Variants in GEMIN5 observed in about 807,000 individuals in gnomAD.
GEMIN5 encodes gem nuclear organelle associated protein 5.
A neutral mutation model predicts 176.9 loss-of-function variants in GEMIN5; 124 were observed. The ratio of observed to expected loss-of-function variants is 0.70; its 90% CI spans 0.61 to 0.81. The LOEUF is 0.81. Ranked by LOEUF, GEMIN5 falls within the 40% of genes least tolerant of loss-of-function variation. The pLI is 0.00. For missense variants in GEMIN5, 1,843 were observed against 1,814.6 expected, an observed-to-expected ratio of 1.02 and a Z score of -0.28; for synonymous variants, 673 against 665.2, an observed-to-expected ratio of 1.01 and a Z score of -0.18.
At chr5:154,924,604 G>A (rs778515465) in intron 8 of GEMIN5, 50 bp from the exon 9 acceptor site, 2 of 1,094,756 alleles carry the variant, frequency 1.8e-6, no homozygotes, top group Non-Finnish European at 2.8e-6. Context: ...GGGGCATATA[G>A]TTAAAGGAAT....
At chr5:154,928,951 C>T (rs1449729410) in intron 5 of GEMIN5, among the ~76,000 whole-genome samples, 1 of 151,214 alleles carries the variant, frequency 6.6e-6, no homozygotes, top group African/African-American at 2.4e-5. Context: ...TGGCCGGGCG[C>T]GGTGGCTCAT....
intron 26 of GEMIN5, among the ~76,000 whole-genome samples, chr5:154,890,090 G>A (rs964362006): frequency 6.6e-6 from 1 of 152,188 alleles, no homozygotes; most frequent in East Asian, 1.9e-4. Flanking sequence ...CCACCAATAG[G>A]CACAAGGGTT....
chr5:154,903,758 G>T (rs1178260838), intron 18 of GEMIN5, among the ~76,000 whole-genome samples: 2 of 152,006 alleles, frequency 1.3e-5, no homozygotes, highest in Non-Finnish European at 2.9e-5. Context: ...CGGGAGGGAG[G>T]ATGGTCCTCC....
chr5:154,888,525 T>C (rs895413462), intron 27 of GEMIN5, 148 bp from the exon 28 acceptor site: 2 of 629,050 alleles, frequency 3.2e-6, no homozygotes, highest in African/African-American at 1.8e-5. Context: ...ATGTCCTGTC[T>C]TTCTCTTCAA....
At chr5:154,913,830 AAC>A (rs1204019463) in intron 13 of GEMIN5, among the ~76,000 whole-genome samples, 1 of 151,892 alleles carries the variant, frequency 6.6e-6, no homozygotes, top group Admixed American at 6.6e-5. Context: ...AAAAAAGGAA[AAC>A]ACAAAAAACA....
chr5:154,921,518 A>T, intron 9 of GEMIN5, 93 bp from the exon 10 acceptor site: 1 of 680,852 alleles, frequency 1.5e-6, no homozygotes, highest in Non-Finnish European at 2.6e-6. Flanking sequence ...TCCCCATTAT[A>T]AACATAACTA....
rs757614383 is a variant in GEMIN5 at position 154,904,600 on chromosome 5, A to C, written c.2539T>G (p.Ser847Ala). 7 of 1,611,860 alleles carry C rather than the reference A, an allele frequency of 4.3e-6. No individual in the cohort carries two copies. Among genetic ancestry groups the C allele is most frequent in the Non-Finnish European group, 5.9e-6 (7 of 1,178,054 alleles). ...ETLIKKRKAR[S>A]LLPLSTSLDH... ...AGGCTTGTACTCAGGGGAAGCAAGGAACGAGCTTTTCTCTTCTTGATTAAG... is the reference window on the plus strand; with the variant it reads ...AGGCTTGTACTCAGGGGAAGCAAGGCACGAGCTTTTCTCTTCTTGATTAAG... Residue 847 changes from serine to alanine, a missense_variant, in exon 18 of 28, where the codon TCC (serine) becomes GCC (alanine). Coordinates refer to ENST00000285873, the MANE Select transcript of GEMIN5 (RefSeq NM_015465.5).
intron 15 of GEMIN5, among the ~76,000 whole-genome samples, chr5:154,908,778 G>A (rs766374561): frequency 1.4e-4 from 21 of 152,086 alleles, no homozygotes; most frequent in Non-Finnish European, 8.8e-5. Flanking sequence ...ATTTTTATTC[G>A]TCCCATTTGG....
Position 154,937,988 on chromosome 5 carries a change from G to T in GEMIN5, c.146C>A (p.Pro49Gln), listed in dbSNP as rs751734850. 5 of 1,574,574 alleles carry T rather than the reference G, an allele frequency of 3.2e-6. No homozygotes were observed. The highest frequency in any genetic ancestry group is 4.3e-6 in the Non-Finnish European group (5 of 1,162,690). ...VRVGPGAGES[P>Q]GTPPFRVIGE... ...GTTACCTCGAAACGGGGGTGTCCCT[G>T]GACTCTCGCCTGCGCCCGGGCCCAC... Residue 49 changes from proline (P) to glutamine (Q), a missense_variant, in exon 1 of 28, where the codon CCA (proline) becomes CAA (glutamine). Transcript: ENST00000285873.
At chr5:154,897,710 C>T (rs1326577097) in intron 23 of GEMIN5, among the ~76,000 whole-genome samples, 1 of 152,096 alleles carries the variant, frequency 6.6e-6, no homozygotes, top group Non-Finnish European at 1.5e-5. Context: ...TGGTCTTGAA[C>T]TCCTAATCTC....
Position 154,925,887 on chromosome 5 carries a change from T to G in GEMIN5, c.1268A>C (p.Gln423Pro), listed in dbSNP as rs1305416622. 1 of 1,613,158 alleles carries G rather than the reference T, an allele frequency of 6.2e-7. No homozygotes were observed. Among genetic ancestry groups the G allele is most frequent in the Non-Finnish European group, 8.5e-7 (1 of 1,179,164 alleles). ...KNNYDVKNFW[Q>P]GVKSKVTALC... ...CGCTGTAACCTTGGACTTCACGCCT[T>G]GCCAAAAATTTTTCACATCATAGTT... The change falls in exon 8 of 28, where the codon CAA becomes CCA. Residue 423 changes from glutamine (Q) to proline (P), a missense_variant. By Grantham distance (76) the Gln-to-Pro change is moderately conservative. Transcript: ENST00000285873.
rs1763528523 is a variant in GEMIN5 at position 154,904,444 on chromosome 5, A to G, written c.2632+63T>C. On this transcript the variant is annotated intron_variant, in intron 18 of 27. Transcript: ENST00000285873. ...TTGGGCATTCATTTAATAAATAAGTAAACATCCCTTATATACCAGTCCCGG... is the reference window on the plus strand; with the variant it reads ...TTGGGCATTCATTTAATAAATAAGTGAACATCCCTTATATACCAGTCCCGG... 2.9e-6 allele frequency: 4 copies of G among 1,381,350 alleles called. No homozygotes were observed. The Admixed American group carries it at 6.1e-5, about 21-fold the overall frequency. The allele number at this position is 1,381,350 out of a possible 1,614,324, so 85.6% of individuals were successfully genotyped here.
At chr5:154,914,798 A>T (rs1396497154) in intron 13 of GEMIN5, among the ~76,000 whole-genome samples, 1 of 152,242 alleles carries the variant, frequency 6.6e-6, no homozygotes, top group Non-Finnish European at 1.5e-5. Flanking sequence ...TAAGGGAAAG[A>T]TTAAACTATT....
chr5:154,914,976 C>G (rs1479868222), intron 13 of GEMIN5, among the ~76,000 whole-genome samples: 1 of 152,094 alleles, frequency 6.6e-6, no homozygotes, highest in Non-Finnish European at 1.5e-5. Context: ...CTCTGTGTCT[C>G]AAATATTTCA....
At chr5:154,890,890 A>G (rs1763210050) in intron 26 of GEMIN5, among the ~76,000 whole-genome samples, 1 of 152,046 alleles carries the variant, frequency 6.6e-6, no homozygotes, top group African/African-American at 2.4e-5. Flanking sequence ...CAGCCCCCCA[A>G]GTAGCTGGAA....
chr5:154,920,169 A>G (rs1763895830), intron 10 of GEMIN5, 66 bp from the exon 11 acceptor site: 4 of 1,297,968 alleles, frequency 3.1e-6, no homozygotes, highest in Non-Finnish European at 4.4e-6. Flanking sequence ...TTGTTGCTAT[A>G]GTATGACCAT....
Position 154,936,016 on chromosome 5 carries a change from T to C in GEMIN5, c.334A>G (p.Ile112Val), listed in dbSNP as rs1764261170. The C allele has an allele frequency of 6.3e-7, 1 of 1,584,026 alleles. No individual in the cohort carries two copies. Among genetic ancestry groups the C allele is most frequent in the Non-Finnish European group, 8.6e-7 (1 of 1,169,016 alleles). The part of the protein sequence containing the change: ...VTEHALHQHT[I>V]STLHWSPRVK... ...CGAGGAGACCAATGTAATGTTGATA[T>C]CGTATGCTTTAAAACAAAACAAAAA... Residue 112 changes from isoleucine (I) to valine (V), a missense_variant, in exon 3 of 28, where the codon ATA becomes GTA. Transcript: ENST00000285873.
At chr5:154,929,053 C>T (rs567861809) in intron 5 of GEMIN5, among the ~76,000 whole-genome samples, 1 of 151,898 alleles carries the variant, frequency 6.6e-6, no homozygotes, top group African/African-American at 2.4e-5. Flanking sequence ...GAAACCCTGT[C>T]TCTACTAAAA....
intron 11 of GEMIN5, among the ~76,000 whole-genome samples, 176 bp downstream of exon 11, chr5:154,919,791 A>G (rs2113494483): frequency 6.6e-6 from 1 of 152,298 alleles, no homozygotes; most frequent in Middle Eastern, 3.4e-3. Flanking sequence ...ATTCGAGGAT[A>G]AAGACTCCTA....
Sources: allele counts gnomAD v4.1 joint callset (sites outside exome capture counted in the v4.1 genomes callset), GRCh38; gene constraint gnomAD v4.1.1; transcripts MANE v1.5; gene names NCBI Gene and HGNC (gene_info 2026-07-23, HGNC 2026-07-21).